Variants in GAGE10 observed in about 807,000 individuals in gnomAD.
The protein encoded by GAGE10 is G antigen 10.
Under a neutral mutation model 11.5 loss-of-function variants are expected in GAGE10, and 9 were observed. That is an observed-to-expected ratio of 0.78 (90% confidence interval 0.47 to 1.37). The LOEUF (loss-of-function observed/expected upper bound fraction) is 1.37, where lower values mean the gene tolerates loss of function less well. GAGE10 is among the 40% of genes most tolerant of loss of function. The probability of loss-of-function intolerance (pLI) is 0.00; values close to 1 mark genes in which losing one functional copy is unlikely to be tolerated. For synonymous variants in GAGE10, 23 were observed against 29.7 expected, an observed-to-expected ratio of 0.77 and a Z score of 0.73; for missense variants, 83 against 92.9, an observed-to-expected ratio of 0.89 and a Z score of 0.44.
At chrX:49,310,692 C>T (rs782521226) in intron 3 of GAGE10, among the ~76,000 whole-genome samples, 1 of 109,430 alleles carries the variant, frequency 9.1e-6, no homozygotes, top group South Asian at 4.1e-4. Context: ...AGTAGGGGGC[C>T]GATCAATGGA....
intron 3 of GAGE10, among the ~76,000 whole-genome samples, chrX:49,314,642 T>TC (rs1449128723): frequency 1.8e-5 from 2 of 112,440 alleles, no homozygotes; most frequent in Non-Finnish European, 3.8e-5. Context: ...CTCAAATGCG[T>TC]CCAACCCCGC....
rs782283671 is a variant in GAGE10, at chrX:49,303,983, G to A, written c.-9+230G>A. Among the ~76,000 whole-genome samples the A allele has an allele frequency of 4.5e-5, 5 of 112,059 alleles. No individual in the cohort carries two copies. In the East Asian group the frequency reaches 8.5e-4, roughly 19 times the overall value. The stretch of plus-strand genomic sequence containing the variant: ...TGAGGCCACCATCTGCTTTGTGGTC[G>A]TGAAGGGGCCAGGACAAGGAGGAAG... On this transcript the variant is annotated intron_variant, in intron 1 of 4. Coordinates refer to ENST00000407599, the MANE Select transcript of GAGE10 (RefSeq NM_001098413.4).
chrX:49,309,981 A>G (rs1181411449), intron 3 of GAGE10, among the ~76,000 whole-genome samples: 5 of 112,241 alleles, frequency 4.5e-5, no homozygotes, highest in Admixed American at 9.4e-5. Flanking sequence ...GTGCCGAGAA[A>G]CACTTCTGCA....
At chrX:49,312,322 T>C (rs1350230510) in intron 3 of GAGE10, among the ~76,000 whole-genome samples, 3 of 112,911 alleles carry the variant, frequency 2.7e-5, no homozygotes, top group Non-Finnish European at 5.6e-5. Context: ...GCACTGTTAT[T>C]GGCCAAGGGG....
At chrX:49,308,128 G>A (rs1353625556) in intron 3 of GAGE10, among the ~76,000 whole-genome samples, 16 of 112,500 alleles carry the variant, frequency 1.4e-4, no homozygotes, top group African/African-American at 4.5e-4. Context: ...CCTGCCCCAC[G>A]AAATGCTTAA....
At position 49,317,155 on chromosome X, in the gene GAGE10, T is replaced by A. The variant is rs190971410; in HGVS notation, c.203-8T>A. The A allele has an allele frequency of 6.3e-4, 751 of 1,197,146 alleles. 6 individuals are homozygous for A. In the African/African-American group the frequency reaches 0.011, roughly 18 times the overall value. On this transcript the variant is annotated splice_polypyrimidine_tract_variant and splice_region_variant and intron_variant, in intron 3 of 4. Transcript: ENST00000407599. ...TGCTTAAATTGATATGTATTTTTTA[T>A]TTTTAATGGCCGAAGCCTGAAGCTG...
At chrX:49,308,957 C>T (rs782464680) in intron 3 of GAGE10, among the ~76,000 whole-genome samples, 7 of 112,159 alleles carry the variant, frequency 6.2e-5, no homozygotes, top group Non-Finnish European at 9.4e-5. Context: ...GAGACGGTCT[C>T]GGGAGAGGCC....
Position 49,311,229 on chromosome X carries a change from T to C in GAGE10, c.202+5705T>C, listed in dbSNP as rs1602728316. On this transcript the variant is annotated intron_variant, in intron 3 of 4. Transcript: ENST00000407599. ...TCAATATCCCTACCCAGAGAGGCAA[T>C]TGATGGCATAACAAAACATTTAAAT... Among the ~76,000 whole-genome samples, 3 of 112,010 alleles carry C rather than the reference T, an allele frequency of 2.7e-5. No homozygotes were observed. The South Asian group carries it at 1.1e-3, about 41-fold the overall frequency.
At chrX:49,317,364 T>A in intron 4 of GAGE10, 76 bp downstream of exon 4, 1 of 1,135,948 alleles carries the variant, frequency 8.8e-7, no homozygotes, top group East Asian at 3.2e-5. Flanking sequence ...TATTACATTT[T>A]TGAGATGGAG....
intron 3 of GAGE10, among the ~76,000 whole-genome samples, chrX:49,313,031 T>C (rs2066380535): frequency 8.9e-6 from 1 of 112,167 alleles, no homozygotes; most frequent in African/African-American, 3.2e-5. Context: ...TACTGGTATA[T>C]GCTAGTGTTT....
intron 3 of GAGE10, among the ~76,000 whole-genome samples, chrX:49,307,475 C>CT (rs60753797): frequency 0.4 from 40,937 of 103,331 alleles, 7,066 homozygotes; most frequent in Middle Eastern, 0.54. Context: ...TTCTTTTTTC[C>CT]TTTTTTTTTT....
intron 3 of GAGE10, among the ~76,000 whole-genome samples, chrX:49,312,393 G>A (rs1489032587): frequency 3.5e-5 from 4 of 112,928 alleles, no homozygotes; most frequent in Admixed American, 9.3e-5. Flanking sequence ...TGCCCATGGG[G>A]CAATACACAA....
intron 3 of GAGE10, among the ~76,000 whole-genome samples, 183 bp from the exon 4 acceptor site, chrX:49,316,980 C>G (rs782720306): frequency 9.0e-6 from 1 of 111,120 alleles, no homozygotes; most frequent in Non-Finnish European, 1.9e-5. Context: ...ATATTTGGAA[C>G]ACCTTGTTTT....
At position 49,317,372 on chromosome X, in the gene GAGE10, G is replaced by A; in HGVS notation, c.328+84G>A. 6 of 1,126,861 alleles carry A rather than the reference G, an allele frequency of 5.3e-6. No homozygotes were observed. The African/African-American group carries it at 7.2e-5, about 14-fold the overall frequency. The allele number at this position is 1,126,861 out of a possible 1,213,427, so 92.9% of individuals were successfully genotyped here. A position where few individuals can be genotyped will look rare whatever the true frequency, so the allele number is the denominator to read the frequency against. On this transcript the variant is annotated intron_variant, in intron 4 of 4. Transcript: ENST00000407599. ...TAATTATTATTACATTTTTGAGATG[G>A]AGTCTTGCTCTGTCCACCAGGCTGG...
intron 3 of GAGE10, among the ~76,000 whole-genome samples, chrX:49,310,763 C>A (rs782003382): frequency 3.6e-5 from 4 of 110,677 alleles, no homozygotes; most frequent in South Asian, 7.7e-4. Context: ...AGCCCCCCCC[C>A]ACAAAGAACT....
chrX:49,308,359 T>C (rs1385564579), intron 3 of GAGE10, among the ~76,000 whole-genome samples: 2 of 112,550 alleles, frequency 1.8e-5, no homozygotes, highest in Non-Finnish European at 3.8e-5. Context: ...GGAGACCTGG[T>C]ATCCAAGGCG....
rs1819415201 is a variant in GAGE10, at chrX:49,304,685, G to A, written c.-8-167G>A. Among the ~76,000 whole-genome samples the A allele has an allele frequency of 2.8e-5, 3 of 106,687 alleles. No homozygotes were observed. The South Asian group carries it at 1.2e-3, about 44-fold the overall frequency. 92.6% of individuals were successfully genotyped at this position (106,687 alleles called of 115,157 possible). A position where few individuals can be genotyped will look rare whatever the true frequency, so the allele number is the denominator to read the frequency against. On this transcript the variant is annotated intron_variant, in intron 1 of 4. Transcript: ENST00000407599. ...TGCTCTGCCAGCTTGGCCAGCATAA[G>A]TGGCTTTGTAGGCACTCAGAAAAGG...
rs782185283 is a variant in GAGE10, at chrX:49,312,143, C to G, written c.203-5020C>G. Among the ~76,000 whole-genome samples the G allele has an allele frequency of 4.6e-4, 51 of 112,027 alleles. 1 individual carries two copies. The highest frequency in any genetic ancestry group is 2.8e-4 in the Non-Finnish European group (15 of 53,184). ...CGAGCCGGGAAGATCTCAGAGATAC[C>G]ACCTTGGAGAGCCCAGATGTTGAAT... On this transcript the variant is annotated intron_variant, in intron 3 of 4. Coordinates refer to ENST00000407599, the MANE Select transcript of GAGE10 (RefSeq NM_001098413.4).
At chrX:49,305,880 T>C (rs2066355041) in intron 3 of GAGE10, among the ~76,000 whole-genome samples, 1 of 111,210 alleles carries the variant, frequency 9.0e-6, no homozygotes. Context: ...AAAACGGAAA[T>C]GATTTTGCTG....
Sources: gnomAD v4.1 joint callset for allele counts (sites outside exome capture counted in the v4.1 genomes callset) on GRCh38, gnomAD v4.1.1 for gene constraint, MANE v1.5 for transcripts, NCBI Gene and HGNC (gene_info 2026-07-23, HGNC 2026-07-21) for gene names.